PRSS23: variants seen among roughly 807,000 people sequenced by gnomAD.
PRSS23 encodes the protein serine protease 23, also known as protease, serine 23.
PRSS23 carries 25 observed loss-of-function variants against 34.7 expected under a neutral mutation model. That is an observed-to-expected ratio of 0.72 (90% CI 0.53 to 1.01). The LOEUF (loss-of-function observed/expected upper bound fraction) is 1.01, where lower values mean the gene tolerates loss of function less well. Ranked by LOEUF, PRSS23 falls within the 50% of genes least tolerant of loss-of-function variation. The pLI, the probability that PRSS23 is intolerant of heterozygous loss-of-function variation, is 0.00. For missense variants in PRSS23, 445 were observed against 475.6 expected (o/e 0.94, Z 0.60); for synonymous variants, 176 against 186.6 (o/e 0.94, Z 0.46).
chr11:86,816,843 C>T (rs1206147856), intron 1 of PRSS23, among the ~76,000 whole-genome samples: 1 of 152,226 alleles, frequency 6.6e-6, no homozygotes, highest in African/African-American at 2.4e-5. Flanking sequence ...CTTTACCGAT[C>T]AGCCTCTTTA....
At chr11:86,897,459 G>C (rs1344927293) in intron 2 of PRSS23, among the ~76,000 whole-genome samples, 1 of 152,100 alleles carries the variant, frequency 6.6e-6, no homozygotes, top group East Asian at 1.9e-4. Context: ...TCAGTTTATA[G>C]TAACTCTTTA....
chr11:86,844,961 T>C (rs1948475980), intron 2 of PRSS23, among the ~76,000 whole-genome samples: 3 of 152,092 alleles, frequency 2.0e-5, no homozygotes, highest in Admixed American at 1.3e-4. Flanking sequence ...TAGTGGTGCA[T>C]ACCTGTTACC....
chr11:86,824,866 A>G (rs1948286758), intron 2 of PRSS23, among the ~76,000 whole-genome samples: 2 of 151,964 alleles, frequency 1.3e-5, no homozygotes, highest in South Asian at 4.2e-4. Flanking sequence ...CATTTTCTTA[A>G]TCTAGTCTGT....
chr11:86,930,357 G>A (rs1051568060), intron 2 of PRSS23, among the ~76,000 whole-genome samples: 1 of 152,168 alleles, frequency 6.6e-6, no homozygotes, highest in Non-Finnish European at 1.5e-5. Flanking sequence ...GTGAATGTTA[G>A]GAAGGGGAAG....
chr11:86,940,843 A>G (rs1245414575), intron 2 of PRSS23: 4 of 152,204 alleles, frequency 2.6e-5, no homozygotes, highest in Non-Finnish European at 5.9e-5. Context: ...TTTAACTTCT[A>G]TAGAGCAATC....
chr11:86,854,632 G>A (rs1357127518), intron 2 of PRSS23, among the ~76,000 whole-genome samples: 1 of 152,180 alleles, frequency 6.6e-6, no homozygotes, highest in Admixed American at 6.6e-5. Flanking sequence ...ATTTAGGCAT[G>A]TTATAGTTTT....
At chr11:86,888,135 A>T (rs1341146498) in intron 2 of PRSS23, among the ~76,000 whole-genome samples, 1 of 148,136 alleles carries the variant, frequency 6.8e-6, no homozygotes, top group Admixed American at 6.7e-5. Context: ...AACAAAACAA[A>T]ACAAAACCTA....
intron 2 of PRSS23, among the ~76,000 whole-genome samples, chr11:86,879,318 T>G (rs1948751385): frequency 6.9e-6 from 1 of 143,972 alleles, no homozygotes; most frequent in Admixed American, 6.9e-5. Flanking sequence ...AGCCGCCCCG[T>G]CTGAGAAGTG....
At chr11:86,823,496 G>C (rs1565356087) in exon 2 of PRSS23, 4 of 702,368 alleles carry the variant, frequency 5.7e-6, no homozygotes, top group Non-Finnish European at 1.0e-5. Context: ...ACCACCTCCT[G>C]AATACCAACT....
chr11:86,937,938 A>G (rs1052631469), intron 2 of PRSS23: 2 of 152,204 alleles, frequency 1.3e-5, no homozygotes, highest in African/African-American at 4.8e-5. Flanking sequence ...AAACTTAGAG[A>G]TGATTTTTGT....
intron 2 of PRSS23, among the ~76,000 whole-genome samples, chr11:86,853,584 T>C (rs190440714): frequency 9.2e-5 from 14 of 152,248 alleles, no homozygotes; most frequent in Non-Finnish European, 8.8e-5. Context: ...GGCTGAATAG[T>C]CTTCCATTGT....
chr11:86,800,529 C>T (rs918249634), upstream of PRSS23: 4 of 984,610 alleles, frequency 4.1e-6, no homozygotes, highest in East Asian at 1.1e-4. Flanking sequence ...CTGCGCTGCT[C>T]GCCAGCTTGC....
intron 2 of PRSS23, chr11:86,939,243 A>G (rs562363517): frequency 1.1e-4 from 31 of 277,514 alleles, no homozygotes; most frequent in African/African-American, 6.3e-4. Context: ...AAAAAATTCT[A>G]ATTACAGGGA....
At chr11:86,898,054 G>T (rs72959695) in intron 2 of PRSS23, among the ~76,000 whole-genome samples, 5,639 of 152,288 alleles carry the variant, frequency 0.037, 131 homozygotes, top group Non-Finnish European at 0.054. Context: ...ATTACTTGAG[G>T]ATGTTTTAAC....
rs1948172456 is a variant in PRSS23 at position 86,811,000 on chromosome 11, G to T, written c.*2205G>T. 1 of 166,734 alleles carries T rather than the reference G, an allele frequency of 6.0e-6. No homozygotes were observed. Among genetic ancestry groups the T allele is most frequent in the Middle Eastern group, 3.4e-3 (1 of 296 alleles). The allele number at this position is 166,734 out of a possible 1,614,324, so 10.3% of individuals were successfully genotyped here. A position where few individuals can be genotyped will look rare whatever the true frequency, so the allele number is the denominator to read the frequency against. Reference sequence around the variant, plus strand: ...ATTAGAAGCATATTTGCCTAGTAAGGCTAGTAGAACCACATTTCCCAAAGT... The same window carrying T: ...ATTAGAAGCATATTTGCCTAGTAAGTCTAGTAGAACCACATTTCCCAAAGT... On this transcript the variant is annotated 3_prime_UTR_variant, in exon 2 of 2. Transcript: ENST00000280258.
chr11:86,843,089 C>A (rs962514306), intron 2 of PRSS23, among the ~76,000 whole-genome samples: 1 of 152,104 alleles, frequency 6.6e-6, no homozygotes. Context: ...ACCAATGGAA[C>A]AGAACAGAGG....
At chr11:86,930,430 TC>T (rs1353866038) in intron 2 of PRSS23, among the ~76,000 whole-genome samples, 1 of 152,208 alleles carries the variant, frequency 6.6e-6, no homozygotes, top group Admixed American at 6.5e-5. Context: ...CTAGGGAAAT[TC>T]CCTGATGAAG....
chr11:86,928,422 TC>T (rs1361731001), intron 2 of PRSS23, among the ~76,000 whole-genome samples: 5 of 148,972 alleles, frequency 3.4e-5, no homozygotes, highest in African/African-American at 1.2e-4. Context: ...ACACCTGTAA[TC>T]CCAGCACTTT....
intron 2 of PRSS23, chr11:86,833,473 G>GTA (rs140297591): frequency 0.023 from 8,097 of 355,022 alleles, 188 homozygotes; most frequent in African/African-American, 0.085. Context: ...GTTCGGACAT[G>GTA]TATATATATA....
Sources: allele counts gnomAD v4.1 joint callset (sites outside exome capture counted in the v4.1 genomes callset), GRCh38; gene constraint gnomAD v4.1.1; transcripts MANE v1.5; gene names NCBI Gene and HGNC (gene_info 2026-07-23, HGNC 2026-07-21).